CCSER1: variants seen among roughly 807,000 people sequenced by gnomAD.
CCSER1 encodes the protein coiled-coil serine rich protein 1.
A neutral mutation model predicts 82.0 loss-of-function variants in CCSER1; 41 were observed. The observed-to-expected ratio is 0.50, with a 90% CI of 0.39 to 0.65. CCSER1 has a LOEUF of 0.65. Ranked by LOEUF, CCSER1 falls within the 30% of genes least tolerant of loss-of-function variation. The pLI, the probability that CCSER1 is intolerant of heterozygous loss-of-function variation, is 0.00. For missense variants in CCSER1, 1,119 were observed against 1,064.2 expected (o/e 1.05, Z -0.72); for synonymous variants, 414 against 383.9 (o/e 1.08, Z -0.92).
intron 10 of CCSER1, among the ~76,000 whole-genome samples, chr4:91,465,990 C>G (rs1418097851): frequency 6.6e-6 from 1 of 152,146 alleles, no homozygotes; most frequent in African/African-American, 2.4e-5. Context: ...GGGATCCTCC[C>G]TAACTCATTT....
At chr4:90,704,889 A>G (rs1176721408) in intron 6 of CCSER1, among the ~76,000 whole-genome samples, 2 of 152,018 alleles carry the variant, frequency 1.3e-5, no homozygotes, top group African/African-American at 4.8e-5. Flanking sequence ...TCTTTTTTCA[A>G]GGTTTTTAGC....
At chr4:91,192,830 A>G (rs575529239) in intron 10 of CCSER1, among the ~76,000 whole-genome samples, 4 of 152,204 alleles carry the variant, frequency 2.6e-5, no homozygotes, top group African/African-American at 7.2e-5. Context: ...TGTAATGTCT[A>G]CAATAGACTC....
At chr4:90,655,338 G>A (rs554238403) in intron 6 of CCSER1, among the ~76,000 whole-genome samples, 3 of 151,988 alleles carry the variant, frequency 2.0e-5, no homozygotes, top group Non-Finnish European at 2.9e-5. Context: ...AATTTCTGTA[G>A]CACATTTTGT....
chr4:90,730,998 A>G (rs1433794564), intron 7 of CCSER1, among the ~76,000 whole-genome samples: 1 of 152,168 alleles, frequency 6.6e-6, no homozygotes, highest in Non-Finnish European at 1.5e-5. Context: ...TAATCAGACT[A>G]TTGTTAAACT....
intron 1 of CCSER1, among the ~76,000 whole-genome samples, chr4:90,270,308 C>T (rs955321828): frequency 1.3e-5 from 2 of 151,990 alleles, no homozygotes; most frequent in Non-Finnish European, 2.9e-5. Context: ...TTAAAAAGAT[C>T]ATTCATAATG....
intron 10 of CCSER1, among the ~76,000 whole-genome samples, chr4:91,372,231 T>G (rs1223590428): frequency 6.6e-6 from 1 of 152,140 alleles, no homozygotes; most frequent in African/African-American, 2.4e-5. Context: ...CTGCTCCTAC[T>G]TGGAAGGAGG....
chr4:90,718,497 CCAAA>C (rs550004961), intron 6 of CCSER1, among the ~76,000 whole-genome samples: 41 of 152,070 alleles, frequency 2.7e-4, no homozygotes, highest in South Asian at 2.1e-3. Context: ...TTAATAGTAC[CCAAA>C]CAAATAGATC....
At chr4:90,915,535 A>G (rs1727221647) in intron 8 of CCSER1, among the ~76,000 whole-genome samples, 1 of 152,218 alleles carries the variant, frequency 6.6e-6, no homozygotes, top group Non-Finnish European at 1.5e-5. Flanking sequence ...AGAGCTATCT[A>G]TGACAAACTC....
At chr4:91,165,763 T>A (rs191996407) in intron 10 of CCSER1, among the ~76,000 whole-genome samples, 1 of 152,386 alleles carries the variant, frequency 6.6e-6, no homozygotes, top group East Asian at 1.9e-4. Flanking sequence ...TCTCCTGGTA[T>A]GTCATTTGCT....
At chr4:90,828,839 ATTTGTTAGGAGAAC>A (rs964861736) in intron 8 of CCSER1, among the ~76,000 whole-genome samples, 1 of 152,126 alleles carries the variant, frequency 6.6e-6, no homozygotes, top group Non-Finnish European at 1.5e-5. Flanking sequence ...TTGCTCTTAC[ATTTGTTAGGAGAAC>A]TTTTAGAGAA....
chr4:90,980,750 G>A (rs1338759678), intron 9 of CCSER1, among the ~76,000 whole-genome samples: 1 of 151,716 alleles, frequency 6.6e-6, no homozygotes, highest in African/African-American at 2.4e-5. Context: ...CGTACTCGAA[G>A]GAAGGAATGC....
At chr4:91,422,451 T>C (rs2149384463) in intron 10 of CCSER1, among the ~76,000 whole-genome samples, 1 of 152,306 alleles carries the variant, frequency 6.6e-6, no homozygotes, top group South Asian at 2.1e-4. Flanking sequence ...GTTGCCTTAT[T>C]GCCTAATTGT....
At chr4:90,375,485 G>C (rs1206721563) in intron 3 of CCSER1, among the ~76,000 whole-genome samples, 2 of 152,140 alleles carry the variant, frequency 1.3e-5, no homozygotes, top group Non-Finnish European at 1.5e-5. Context: ...AGAGGAGGAA[G>C]GGCCATCCGT....
At chr4:90,579,166 A>G (rs909329708) in intron 5 of CCSER1, among the ~76,000 whole-genome samples, 1 of 152,166 alleles carries the variant, frequency 6.6e-6, no homozygotes, top group African/African-American at 2.4e-5. Context: ...TTCGCATGCT[A>G]TATTACAGGT....
chr4:90,603,823 G>A (rs1428798695), intron 5 of CCSER1, among the ~76,000 whole-genome samples: 1 of 152,160 alleles, frequency 6.6e-6, no homozygotes, highest in African/African-American at 2.4e-5. Context: ...AACCCTGTTT[G>A]TAGATGATTT....
chr4:90,991,977 T>C (rs1382945805), intron 9 of CCSER1, among the ~76,000 whole-genome samples: 1 of 152,070 alleles, frequency 6.6e-6, no homozygotes, highest in African/African-American at 2.4e-5. Flanking sequence ...GTTCTTGCCT[T>C]ACTTGTTACT....
At chr4:90,703,795 C>T (rs1738691237) in intron 6 of CCSER1, among the ~76,000 whole-genome samples, 1 of 152,098 alleles carries the variant, frequency 6.6e-6, no homozygotes, top group Non-Finnish European at 1.5e-5. Flanking sequence ...AGGATTGCAA[C>T]CCCCACTTTT....
chr4:91,440,793 C>T (rs939767246), intron 10 of CCSER1, among the ~76,000 whole-genome samples: 1 of 152,066 alleles, frequency 6.6e-6, no homozygotes, highest in African/African-American at 2.4e-5. Flanking sequence ...GGCATATCAC[C>T]ACCAATCCCA....
chr4:90,745,996 G>A (rs954953569), intron 7 of CCSER1, among the ~76,000 whole-genome samples: 1 of 151,864 alleles, frequency 6.6e-6, no homozygotes, highest in Admixed American at 6.6e-5. Flanking sequence ...CACCACGCCC[G>A]GCCTCTTTTA....
Sources: gnomAD v4.1 joint callset for allele counts (sites outside exome capture counted in the v4.1 genomes callset) on GRCh38, gnomAD v4.1.1 for gene constraint, MANE v1.5 for transcripts, NCBI Gene and HGNC (gene_info 2026-07-23, HGNC 2026-07-21) for gene names.